LRP3: variants seen among roughly 807,000 people sequenced by gnomAD.
LRP3 encodes low-density lipoprotein receptor-related protein 3.
Under a neutral mutation model 58.5 loss-of-function variants are expected in LRP3, and 49 were observed. That is an observed-to-expected ratio of 0.84 (90% CI 0.67 to 1.06). The LOEUF is 1.06. LRP3 is among the 50% of genes least tolerant of loss of function. The pLI, the probability that LRP3 is intolerant of heterozygous loss-of-function variation, is 0.00. For missense variants in LRP3, 1,019 were observed against 1,134.2 expected (o/e 0.90, Z 1.46); for synonymous variants, 485 against 492.2 (o/e 0.99, Z 0.20).
In LRP3 at chr19:33,202,910, T is replaced by C. The variant is rs1974356546; in HGVS notation, c.184T>C (p.Trp62Arg). ...ERRGVIYSPA[W>R]PLNYPPGTNC... ...GCGTGGGGTCATCTACAGCCCGGCC[T>C]GGCCCCTCAACTACCCGCCAGGCAC... is the stretch of plus-strand genomic sequence containing the variant. Residue 62 changes from tryptophan to arginine, a missense_variant, in exon 3 of 7, where the codon TGG becomes CGG. Coordinates refer to ENST00000253193, the MANE Select transcript of LRP3 (RefSeq NM_002333.4). The C allele has an allele frequency of 6.2e-7, 1 of 1,611,762 alleles. No homozygotes were observed. Among genetic ancestry groups the C allele is most frequent in the Non-Finnish European group, 8.5e-7 (1 of 1,179,200 alleles).
intron 1 of LRP3, among the ~76,000 whole-genome samples, chr19:33,195,761 G>T (rs1974278897): frequency 6.6e-6 from 1 of 152,202 alleles, no homozygotes; most frequent in Non-Finnish European, 1.5e-5. Context: ...GAGCATTGAG[G>T]GTGTAACCCC....
chr19:33,202,531 G>A (rs1974351486), intron 2 of LRP3, among the ~76,000 whole-genome samples: 1 of 152,208 alleles, frequency 6.6e-6, no homozygotes. Context: ...ACACCTTGGA[G>A]GTGCCGGCTG....
In LRP3 at chr19:33,206,166, C is replaced by A. The variant is rs1404518062; in HGVS notation, c.1396C>A (p.Leu466Met). 6.2e-7 allele frequency: 1 copy of A among 1,600,326 alleles called. No individual in the cohort carries two copies. The highest frequency in any genetic ancestry group is 1.7e-4 in the Middle Eastern group (1 of 6,040). Residue 466 changes from leucine to methionine, a missense_variant, in exon 5 of 7, where the codon CTG becomes ATG. Around this residue, in one of 2 missense-constraint regions of LRP3, gnomAD observed 592 missense variants for 725.5 expected, o/e 0.82. Transcript: ENST00000253193. ...QPGTFHCGTN[L>M]CIFETWRCDG... The stretch of plus-strand genomic sequence containing the variant: ...CGGCACCTTCCACTGCGGTACCAAC[C>A]TGTGCATCTTCGAGACGTGGCGCTG...
At chr19:33,195,349 T>G (rs990766191) in intron 1 of LRP3, among the ~76,000 whole-genome samples, 1 of 152,092 alleles carries the variant, frequency 6.6e-6, no homozygotes, top group Non-Finnish European at 1.5e-5. Flanking sequence ...TGTTTTCCCT[T>G]TGTGTCTCTC....
chr19:33,206,967 C>T lies in LRP3; in HGVS notation c.1726-21C>T, dbSNP rs1421085626. 2.8e-6 allele frequency: 4 copies of T among 1,454,352 alleles called. No individual in the cohort carries two copies. In the East Asian group the frequency reaches 7.6e-5, roughly 28 times the overall value. 90.1% of individuals were successfully genotyped at this position (1,454,352 alleles called of 1,614,324 possible). A position where few individuals can be genotyped will look rare whatever the true frequency, so the allele number is the denominator to read the frequency against. The stretch of plus-strand genomic sequence containing the variant: ...CCCCCTCAGCCGCATCCCCCCGCCC[C>T]TACCCTGCTCCACCCCACAGGCCTC... On this transcript the variant is annotated intron_variant, in intron 6 of 6. Transcript: ENST00000253193.
In LRP3 at chr19:33,206,680, G is replaced by T. The variant is rs1442590351; in HGVS notation, c.1672G>T (p.Ala558Ser). 1.9e-6 allele frequency: 3 copies of T among 1,563,726 alleles called. No homozygotes were observed. The highest frequency in any genetic ancestry group is 1.9e-5 in the Admixed American group (1 of 51,340). Reference sequence around the variant, plus strand: ...ACCCCCATCCTATGGTCAGCTCATCGCCCAGGGCCTCATTCCACCCGTGGA... The same window carrying T: ...ACCCCCATCCTATGGTCAGCTCATCTCCCAGGGCCTCATTCCACCCGTGGA... ...EAPPSYGQLI[A>S]QGLIPPVEDF... Residue 558 changes from alanine (A) to serine (S), a missense_variant, in exon 6 of 7, where the codon GCC becomes TCC. Around this residue, in one of 2 missense-constraint regions of LRP3, gnomAD observed 427 missense variants for 408.6 expected, o/e 1.04. Coordinates refer to ENST00000253193, the MANE Select transcript of LRP3 (RefSeq NM_002333.4).
In LRP3 at chr19:33,205,872, T is replaced by C. The variant is rs1203416854; in HGVS notation, c.1102T>C (p.Cys368Arg). 10 of 1,606,136 alleles carry C rather than the reference T, an allele frequency of 6.2e-6. No individual in the cohort carries two copies. Among genetic ancestry groups the C allele is most frequent in the Non-Finnish European group, 8.5e-6 (10 of 1,176,678 alleles). The part of the protein sequence containing the change: ...FNATYQVKGY[C>R]LPWEQPCGSS... ...TGCCACCTACCAGGTGAAGGGCTAT[T>C]GCCTCCCCTGGGAGCAGCCGTGCGG... is the stretch of plus-strand genomic sequence containing the variant. The change falls in exon 5 of 7, where the codon TGC becomes CGC. Residue 368 changes from cysteine (C) to arginine (R), a missense_variant. By Grantham distance (180) the Cys-to-Arg change is radical (BLOSUM62 -3). Coordinates refer to ENST00000253193, the MANE Select transcript of LRP3 (RefSeq NM_002333.4).
chr19:33,199,445 C>T (rs150925724), intron 2 of LRP3, among the ~76,000 whole-genome samples: 2,344 of 150,548 alleles, frequency 0.016, 59 homozygotes, highest in African/African-American at 0.054. Flanking sequence ...TGCACTCCAG[C>T]CTGGGAGACA....
rs760655847 is a variant in LRP3, at chr19:33,206,273, G to A, written c.1503G>A (p.Ala501=). ...TGCCCCGCAAGGTCATCACGGCGGC[G>A]CTCATTGGCAGCCTGGTGTGTGGCC... is the stretch of plus-strand genomic sequence containing the variant. ...AAVPRKVITA[A]LIGSLVCGLL... Residue 501 remains alanine, a synonymous_variant, in exon 5 of 7, where the codon GCG becomes GCA. Transcript: ENST00000253193. 3.8e-6 allele frequency: 6 copies of A among 1,598,074 alleles called. No homozygotes were observed. Among genetic ancestry groups the A allele is most frequent in the Admixed American group, 1.7e-5 (1 of 59,532 alleles).
chr19:33,208,540 AATGTC>A lies in LRP3; in HGVS notation c.*967_*971del, dbSNP rs1462084542. Reference sequence around the variant, plus strand: ...CCTGTGTCAAGCAGCAAAGCCCCCTAATGTCAAGAGCCTCCTCCAGGGCCTGCCAC... The same window carrying A: ...CCTGTGTCAAGCAGCAAAGCCCCCTAAAGAGCCTCCTCCAGGGCCTGCCAC... On this transcript the variant is annotated 3_prime_UTR_variant, in exon 7 of 7. Transcript: ENST00000253193. This position sits in a 1 kb window ranked among gnomAD's most constrained non-coding sequence, Gnocchi z 4.7. 2 of 358,546 alleles carry A rather than the reference AATGTC, an allele frequency of 5.6e-6. No homozygotes were observed. Among genetic ancestry groups the A allele is most frequent in the African/African-American group, 4.2e-5 (2 of 47,408 alleles). The allele number at this position is 358,546 out of a possible 1,614,324, so 22.2% of individuals were successfully genotyped here.
Position 33,206,095 on chromosome 19 carries a change from G to C in LRP3, c.1325G>C (p.Ser442Thr). 6.2e-7 allele frequency: 1 copy of C among 1,609,600 alleles called. No individual in the cohort carries two copies. The highest frequency in any genetic ancestry group is 8.5e-7 in the Non-Finnish European group (1 of 1,178,890). Residue 442 changes from serine to threonine, a missense_variant, in exon 5 of 7, where the codon AGC becomes ACC. Around this residue, in one of 2 missense-constraint regions of LRP3, gnomAD observed 592 missense variants for 725.5 expected, o/e 0.82. Coordinates refer to ENST00000253193, the MANE Select transcript of LRP3 (RefSeq NM_002333.4). ...GCCGACCGCTGCAACAACCAGAAAAGCTGTCCCGACGGCGCCGACGAGAAG... is the reference window on the plus strand; with the variant it reads ...GCCGACCGCTGCAACAACCAGAAAACCTGTCCCGACGGCGCCGACGAGAAG... The part of the protein sequence containing the change: ...TPADRCNNQK[S>T]CPDGADEKNC...
chr19:33,200,164 TC>T (rs1463430461), intron 2 of LRP3, among the ~76,000 whole-genome samples: 3 of 152,222 alleles, frequency 2.0e-5, no homozygotes, highest in Admixed American at 2.0e-4. Flanking sequence ...CACTGGGCCT[TC>T]CCTTCTGTGG....
Position 33,205,731 on chromosome 19 carries a change from C to T in LRP3, c.961C>T (p.Leu321=). The change falls in exon 5 of 7, where the codon CTG becomes TTG. Residue 321 remains leucine, a synonymous_variant. Coordinates refer to ENST00000253193, the MANE Select transcript of LRP3 (RefSeq NM_002333.4). ...YEGLGERGDR[L]LQTLSYRSNH... is the part of the protein sequence containing the mutation. ...GGGCCTGGGCGAGCGCGGGGACCGC[C>T]TGCTGCAGACGCTGTCCTACCGCAG... is the stretch of plus-strand genomic sequence containing the variant. 6.3e-7 allele frequency: 1 copy of T among 1,599,066 alleles called. No individual in the cohort carries two copies. The highest frequency in any genetic ancestry group is 8.5e-7 in the Non-Finnish European group (1 of 1,177,290).
At chr19:33,200,929 G>T (rs978276425) in intron 2 of LRP3, among the ~76,000 whole-genome samples, 2 of 152,160 alleles carry the variant, frequency 1.3e-5, no homozygotes, top group Non-Finnish European at 2.9e-5. Context: ...ATGCTCTCAC[G>T]AGCTGTCCGT....
intron 3 of LRP3, chr19:33,204,293 T>A: frequency 3.4e-6 from 1 of 294,692 alleles, no homozygotes; most frequent in Non-Finnish European, 6.4e-6. Flanking sequence ...GGGGAGGGTG[T>A]CGGGGCAGGG....
At chr19:33,201,578 C>A (rs1280123847) in intron 2 of LRP3, among the ~76,000 whole-genome samples, 1 of 152,164 alleles carries the variant, frequency 6.6e-6, no homozygotes, top group Non-Finnish European at 1.5e-5. Flanking sequence ...CCAGAGAGAA[C>A]TTGGCTTGCA....
rs758843460 is a variant in LRP3, at chr19:33,206,448, G to C, written c.1592+86G>C. 14 of 1,594,202 alleles carry C rather than the reference G, an allele frequency of 8.8e-6. No homozygotes were observed. The Admixed American group carries it at 1.2e-4, about 13-fold the overall frequency. ...CGTAGCTGTGGGTTTGCAAACGGGG[G>C]CCTGGACTAGCTACATGGAGGCTGC... On this transcript the variant is annotated intron_variant, in intron 5 of 6. Coordinates refer to ENST00000253193, the MANE Select transcript of LRP3 (RefSeq NM_002333.4).
chr19:33,208,751 G>C lies in LRP3; in HGVS notation c.*1176G>C, dbSNP rs1180511880. The C allele has an allele frequency of 1.9e-6, 2 of 1,039,188 alleles. No homozygotes were observed. The highest frequency in any genetic ancestry group is 2.7e-6 in the Non-Finnish European group (2 of 733,020). 64.4% of individuals were successfully genotyped at this position (1,039,188 alleles called of 1,614,324 possible). The stretch of plus-strand genomic sequence containing the variant: ...CAGGAAACCCAGTCCACATTTTAGG[G>C]CTTCCTTAAACAGGCTTCTGAGAGT... On this transcript the variant is annotated 3_prime_UTR_variant, in exon 7 of 7. Coordinates refer to ENST00000253193, the MANE Select transcript of LRP3 (RefSeq NM_002333.4). The surrounding 1 kb of genome is among the most constrained non-coding windows in gnomAD (Gnocchi z 4.7).
At position 33,208,007 on chromosome 19, in the gene LRP3, C is replaced by A; in HGVS notation, c.*432C>A. On this transcript the variant is annotated 3_prime_UTR_variant, in exon 7 of 7. Coordinates refer to ENST00000253193, the MANE Select transcript of LRP3 (RefSeq NM_002333.4). The surrounding 1 kb of genome is among the most constrained non-coding windows in gnomAD (Gnocchi z 4.7). ...GTGACTATTTTGCTCACGCCTCACC[C>A]TCTTCCTGTCCAGCAAGGCCTCTGG... The A allele has an allele frequency of 5.3e-6, 1 of 187,114 alleles. No homozygotes were observed. The highest frequency in any genetic ancestry group is 1.1e-5 in the Non-Finnish European group (1 of 89,064). 11.6% of individuals were successfully genotyped at this position (187,114 alleles called of 1,614,324 possible). A position where few individuals can be genotyped will look rare whatever the true frequency, so the allele number is the denominator to read the frequency against.
Sources: gnomAD v4.1 joint callset for allele counts (sites outside exome capture counted in the v4.1 genomes callset) on GRCh38, gnomAD v4.1.1 for gene constraint, gnomAD v4.1.1 regional missense constraint, Gnocchi (gnomAD v3.1) non-coding constraint, MANE v1.5 for transcripts, NCBI Gene and HGNC (gene_info 2026-07-23, HGNC 2026-07-21) for gene names.